CHD6: variants seen among roughly 807,000 people sequenced by gnomAD.
The protein encoded by CHD6 is ATP-dependent chromatin remodeler CHD6.
CHD6 carries 50 observed loss-of-function variants against 276.9 expected under a neutral mutation model. The ratio of observed to expected loss-of-function variants is 0.18; its 90% CI spans 0.14 to 0.23. The LOEUF (loss-of-function observed/expected upper bound fraction) is 0.23, where lower values mean the gene tolerates loss of function less well. CHD6 is among the 10% of genes least tolerant of loss of function. The pLI is 1.00. For missense variants in CHD6, 2,564 were observed against 3,365.8 expected, an observed-to-expected ratio of 0.76 and a Z score of 5.89; for synonymous variants, 1,173 against 1,229.3, an observed-to-expected ratio of 0.95 and a Z score of 0.96.
chr20:41,421,036 C>G lies in CHD6; in HGVS notation c.5599G>C (p.Glu1867Gln). 3.1e-6 allele frequency: 5 copies of G among 1,613,930 alleles called. No homozygotes were observed. The highest frequency in any genetic ancestry group is 4.2e-6 in the Non-Finnish European group (5 of 1,179,958). ...TCCTCGTTTTCCTCCTCTTCTTCCT[C>G]CTCATCACTGTGGTTCTGACTCAAA... ...LILSQNHSDE[E>Q]EEEEENEEEN... is the part of the protein sequence containing the mutation. Residue 1867 changes from glutamate to glutamine, a missense_variant, in exon 31 of 37, where the codon GAG (glutamate) becomes CAG (glutamine). Glu to Gln is a conservative substitution (Grantham distance 29). This residue lies in a region of CHD6 where 1,024 missense variants were observed against 1,047.9 expected (regional missense o/e 0.98). Transcript: ENST00000373233.
intron 26 of CHD6, among the ~76,000 whole-genome samples, chr20:41,438,564 C>T (rs1347902590): frequency 4.6e-5 from 7 of 151,860 alleles, no homozygotes; most frequent in East Asian, 3.9e-4. Flanking sequence ...CACTCCAGCC[C>T]GGGTGAAAGA....
rs373466943 is a variant in CHD6, at chr20:41,415,195, C to T, written c.6930G>A (p.Ala2310=). The part of the protein sequence containing the change: ...LIFLKEQTLQ[A]GILEVHEDPG... ...TGACCTCAATACCCACCAAGATTCC[C>T]GCCTGAAGTGTCTGCTCCTTCAAAA... The change falls in exon 34 of 37, where the codon GCG becomes GCA. Residue 2310 remains alanine (A), a synonymous_variant. Transcript: ENST00000373233. The T allele has an allele frequency of 3.8e-5, 61 of 1,613,332 alleles. No homozygotes were observed. Among genetic ancestry groups the T allele is most frequent in the African/African-American group, 9.3e-5 (7 of 74,918 alleles).
chr20:41,467,713 C>T (rs1435092217), intron 17 of CHD6, among the ~76,000 whole-genome samples: 1 of 151,176 alleles, frequency 6.6e-6, no homozygotes, highest in Non-Finnish European at 1.5e-5. Flanking sequence ...GGGGTTAAAT[C>T]TGTCAGATAA....
intron 1 of CHD6, among the ~76,000 whole-genome samples, chr20:41,554,429 T>G (rs904731372): frequency 3.3e-5 from 5 of 151,748 alleles, no homozygotes; most frequent in African/African-American, 1.2e-4. Context: ...TCTTGGGTGT[T>G]TCTCGCAGAG....
intron 36 of CHD6, among the ~76,000 whole-genome samples, chr20:41,406,448 G>C (rs1002741807): frequency 1.3e-5 from 2 of 152,186 alleles, no homozygotes; most frequent in Non-Finnish European, 2.9e-5. Context: ...CAGAATCCTG[G>C]GGGAGGGCAG....
chr20:41,464,958 A>C (rs2042886807), intron 17 of CHD6, among the ~76,000 whole-genome samples: 1 of 152,258 alleles, frequency 6.6e-6, no homozygotes, highest in African/African-American at 2.4e-5. Context: ...AAATAAATAG[A>C]GTAATGGATT....
rs2046963555 is a variant in CHD6, at chr20:41,415,390, G to T, written c.6735C>A (p.Ile2245=). ...VSASTPKIGA[I]SSLQGALGMD... is the part of the protein sequence containing the mutation. ...TGCCAAGGGCTCCCTGAAGTGAACTGATAGCCCCAATCTTAGGGGTGCTGG... is the reference window on the plus strand; with the variant it reads ...TGCCAAGGGCTCCCTGAAGTGAACTTATAGCCCCAATCTTAGGGGTGCTGG... Residue 2245 remains isoleucine (I), a synonymous_variant, in exon 34 of 37, where the codon ATC becomes ATA. Transcript: ENST00000373233. 22 of 1,613,580 alleles carry T rather than the reference G, an allele frequency of 1.4e-5. No homozygotes were observed. The highest frequency in any genetic ancestry group is 1.9e-5 in the Non-Finnish European group (22 of 1,179,814).
intron 1 of CHD6, among the ~76,000 whole-genome samples, chr20:41,592,112 A>T (rs1178180344): frequency 6.6e-6 from 1 of 152,226 alleles, no homozygotes; most frequent in African/African-American, 2.4e-5. Context: ...CAAACAAAAA[A>T]AAAGAATTTC....
intron 23 of CHD6, 27 bp from the exon 24 acceptor site, chr20:41,447,998 A>G (rs769721828): frequency 7.4e-7 from 1 of 1,358,502 alleles, no homozygotes; most frequent in South Asian, 1.2e-5. Context: ...CATTAATGCA[A>G]ACAAATTAGA....
At chr20:41,431,460 G>A (rs1234044722) in intron 27 of CHD6, among the ~76,000 whole-genome samples, 4 of 152,126 alleles carry the variant, frequency 2.6e-5, no homozygotes, top group African/African-American at 7.2e-5. Context: ...GGAGTCACTT[G>A]GGGACAATGC....
chr20:41,571,363 C>T (rs2045414120), intron 1 of CHD6, among the ~76,000 whole-genome samples: 2 of 150,778 alleles, frequency 1.3e-5, no homozygotes, highest in African/African-American at 4.9e-5. Context: ...CAATTTGATA[C>T]CAAAAGAAAG....
chr20:41,458,140 T>C (rs2048434074), intron 17 of CHD6, among the ~76,000 whole-genome samples: 1 of 152,214 alleles, frequency 6.6e-6, no homozygotes, highest in Admixed American at 6.5e-5. Context: ...AGCATCTGAA[T>C]GTACACCAAG....
At chr20:41,502,263 C>A (rs1377956893) in intron 5 of CHD6, among the ~76,000 whole-genome samples, 4 of 151,998 alleles carry the variant, frequency 2.6e-5, no homozygotes, top group Non-Finnish European at 5.9e-5. Context: ...AAAACAGGTG[C>A]AAGTAATTTT....
At chr20:41,581,049 C>T (rs2045532476) in intron 1 of CHD6, among the ~76,000 whole-genome samples, 1 of 152,198 alleles carries the variant, frequency 6.6e-6, no homozygotes, top group Non-Finnish European at 1.5e-5. Flanking sequence ...TGATAGATGG[C>T]TTTCCACTGT....
chr20:41,583,347 A>AT (rs2045560466), intron 1 of CHD6, among the ~76,000 whole-genome samples: 1 of 152,124 alleles, frequency 6.6e-6, no homozygotes, highest in Non-Finnish European at 1.5e-5. Context: ...ACTACTCATC[A>AT]GATTTTTTGC....
intron 3 of CHD6, among the ~76,000 whole-genome samples, chr20:41,524,749 C>T (rs1198339816): frequency 6.6e-6 from 1 of 152,122 alleles, no homozygotes; most frequent in East Asian, 1.9e-4. Context: ...TGTTGCTGTC[C>T]CTACTCAGTA....
intron 1 of CHD6, among the ~76,000 whole-genome samples, chr20:41,558,277 G>A (rs2045262296): frequency 6.6e-6 from 1 of 152,184 alleles, no homozygotes; most frequent in Admixed American, 6.5e-5. Context: ...TTGGATCTGG[G>A]CTGTAATGAC....
At chr20:41,589,713 A>T (rs2045635487) in intron 1 of CHD6, among the ~76,000 whole-genome samples, 1 of 152,248 alleles carries the variant, frequency 6.6e-6, no homozygotes, top group African/African-American at 2.4e-5. Context: ...TCAACGAAAT[A>T]AAAGAGGACA....
chr20:41,555,988 G>A (rs1054915930), intron 1 of CHD6, among the ~76,000 whole-genome samples: 32 of 152,360 alleles, frequency 2.1e-4, no homozygotes, highest in African/African-American at 7.5e-4. Context: ...GCCAGACTCC[G>A]TCTGCAATCC....
Sources: allele counts gnomAD v4.1 joint callset (sites outside exome capture counted in the v4.1 genomes callset), GRCh38; gene constraint gnomAD v4.1.1; regional missense constraint gnomAD v4.1.1; transcripts MANE v1.5; gene names NCBI Gene and HGNC (gene_info 2026-07-23, HGNC 2026-07-21).